The following UBASH3B variants were observed in gnomAD, a reference collection of about 807,000 sequenced individuals.
UBASH3B encodes ubiquitin-associated and SH3 domain-containing protein B.
UBASH3B carries 37 observed loss-of-function variants against 83.4 expected under a neutral mutation model. The observed-to-expected ratio is 0.44, with a 90% CI of 0.34 to 0.58. The LOEUF is 0.58. Among genes scored for constraint, UBASH3B ranks in the 20% least tolerant of loss-of-function variants. UBASH3B has a pLI of 0.01. For synonymous variants in UBASH3B, 304 were observed against 318.3 expected (o/e 0.96, Z 0.48); for missense variants, 657 against 827.2 (o/e 0.79, Z 2.52).
At chr11:122,739,547 C>T (rs1045853147) in intron 1 of UBASH3B, among the ~76,000 whole-genome samples, 5 of 152,172 alleles carry the variant, frequency 3.3e-5, no homozygotes, top group Non-Finnish European at 7.3e-5. Flanking sequence ...CAGCTCCATG[C>T]TGTTGGTGGG....
chr11:122,740,857 C>T (rs1861012531), intron 1 of UBASH3B, among the ~76,000 whole-genome samples: 1 of 152,166 alleles, frequency 6.6e-6, no homozygotes, highest in African/African-American at 2.4e-5. Context: ...CACTATATTA[C>T]TTTTAAAGTG....
At chr11:122,690,196 A>T (rs1214361426) in intron 1 of UBASH3B, among the ~76,000 whole-genome samples, 4 of 22,654 alleles carry the variant, frequency 1.8e-4, no homozygotes, top group Admixed American at 6.4e-4. Context: ...ATATATATAT[A>T]TATATATATA....
At chr11:122,699,535 T>TTCTTTCTTTC (rs1386254721) in intron 1 of UBASH3B, among the ~76,000 whole-genome samples, 6 of 105,618 alleles carry the variant, frequency 5.7e-5, no homozygotes, top group South Asian at 2.8e-4. Context: ...TTCTTTCTCT[T>TTCTTTCTTTC]TCTTTCTTTC....
At chr11:122,732,995 T>G (rs889212457) in intron 1 of UBASH3B, among the ~76,000 whole-genome samples, 1 of 152,194 alleles carries the variant, frequency 6.6e-6, no homozygotes, top group Non-Finnish European at 1.5e-5. Context: ...CTACATAATA[T>G]CAAGCAGAAA....
At chr11:122,762,713 C>T (rs1050031484) in intron 1 of UBASH3B, among the ~76,000 whole-genome samples, 3 of 152,170 alleles carry the variant, frequency 2.0e-5, no homozygotes, top group South Asian at 2.1e-4. Context: ...CTTATGTTAT[C>T]GCCTTACCTG....
At chr11:122,802,245 G>A (rs1283472045) in intron 11 of UBASH3B, among the ~76,000 whole-genome samples, 1 of 150,122 alleles carries the variant, frequency 6.7e-6, no homozygotes, top group African/African-American at 2.5e-5. Context: ...AACCCAGGAG[G>A]CGGAGGTTGC....
chr11:122,660,062 C>A (rs150438271), intron 1 of UBASH3B, among the ~76,000 whole-genome samples: 1 of 152,292 alleles, frequency 6.6e-6, no homozygotes, highest in Non-Finnish European at 1.5e-5. Flanking sequence ...TGACTGCATG[C>A]TTGTTAAGTG....
chr11:122,707,333 C>T (rs1031670240), intron 1 of UBASH3B, among the ~76,000 whole-genome samples: 13 of 152,074 alleles, frequency 8.5e-5, no homozygotes, highest in South Asian at 4.1e-4. Flanking sequence ...TTGCTTCTGA[C>T]GGGGAGTGGT....
intron 1 of UBASH3B, among the ~76,000 whole-genome samples, chr11:122,710,963 A>C (rs1313915234): frequency 5.9e-5 from 9 of 152,186 alleles, no homozygotes; most frequent in Non-Finnish European, 1.2e-4. Flanking sequence ...TTTCATTGAC[A>C]GGCCATAGAG....
At chr11:122,763,237 T>C (rs1378505173) in intron 1 of UBASH3B, among the ~76,000 whole-genome samples, 1 of 152,218 alleles carries the variant, frequency 6.6e-6, no homozygotes, top group Non-Finnish European at 1.5e-5. Context: ...TCACCACCCA[T>C]GGTCTAATGG....
chr11:122,758,768 T>C lies in UBASH3B; in HGVS notation c.162-17451T>C, dbSNP rs924800859. Among the ~76,000 whole-genome samples, 16 of 152,226 alleles carry C rather than the reference T, an allele frequency of 1.1e-4. No individual in the cohort carries two copies. The highest frequency in any genetic ancestry group is 3.6e-4 in the African/African-American group (15 of 41,466). On this transcript the variant is annotated intron_variant, in intron 1 of 13. Transcript: ENST00000284273. This position sits in a 1 kb window ranked among gnomAD's most constrained non-coding sequence, Gnocchi z 4.2. ...AGGACTTAAATCAAGTTTTAACTGA[T>C]GGCAGGAGCGAAATGCAATGAATTC... is the stretch of plus-strand genomic sequence containing the variant.
In UBASH3B at chr11:122,720,112, A is replaced by G. The variant is rs1313376950; in HGVS notation, c.162-56107A>G. Among the ~76,000 whole-genome samples the G allele has an allele frequency of 2.0e-5, 3 of 151,044 alleles. No homozygotes were observed. In the East Asian group the frequency reaches 5.8e-4, roughly 29 times the overall value. ...TTTATGTACTATCCATATGCTGACA[A>G]CTCCTGCACTTACATCCCCCACCCA... On this transcript the variant is annotated intron_variant, in intron 1 of 13. Coordinates refer to ENST00000284273, the MANE Select transcript of UBASH3B (RefSeq NM_032873.5).
At chr11:122,664,077 T>C (rs896651669) in intron 1 of UBASH3B, among the ~76,000 whole-genome samples, 1 of 152,200 alleles carries the variant, frequency 6.6e-6, no homozygotes, top group Non-Finnish European at 1.5e-5. Context: ...TGTTCCTCAC[T>C]GAGCTTTGGG....
At chr11:122,727,161 C>A (rs867263307) in intron 1 of UBASH3B, among the ~76,000 whole-genome samples, 1 of 152,186 alleles carries the variant, frequency 6.6e-6, no homozygotes. Flanking sequence ...CGCGTCCTGC[C>A]GGGGACTCCT....
In UBASH3B at chr11:122,659,433, G is replaced by C. The variant is rs192961458; in HGVS notation, c.161+3223G>C. Among the ~76,000 whole-genome samples, 38 of 152,250 alleles carry C rather than the reference G, an allele frequency of 2.5e-4. 1 individual carries two copies. The highest frequency in any genetic ancestry group is 1.9e-4 in the Non-Finnish European group (13 of 68,022). On this transcript the variant is annotated intron_variant, in intron 1 of 13. Coordinates refer to ENST00000284273, the MANE Select transcript of UBASH3B (RefSeq NM_032873.5). ...TCCTGGAGGTCACCTGATCTAGTTG[G>C]ACTCCTTGCCCAGGCTTGCTTCCCT...
intron 1 of UBASH3B, among the ~76,000 whole-genome samples, chr11:122,736,888 T>C (rs1031557209): frequency 6.6e-6 from 1 of 150,976 alleles, no homozygotes; most frequent in African/African-American, 2.4e-5. Flanking sequence ...TCTCTCAAAA[T>C]GAAATGAAAT....
At chr11:122,775,887 G>A (rs1477194986) in intron 1 of UBASH3B, 1 of 243,722 alleles carries the variant, frequency 4.1e-6, no homozygotes, top group Non-Finnish European at 7.8e-6. Context: ...AAGAATGAGT[G>A]GGTGAAGAGG....
chr11:122,700,882 G>A (rs1864033209), intron 1 of UBASH3B, among the ~76,000 whole-genome samples: 1 of 152,152 alleles, frequency 6.6e-6, no homozygotes. Flanking sequence ...TTCATGTAGG[G>A]TGAACAGTAA....
intron 7 of UBASH3B, among the ~76,000 whole-genome samples, chr11:122,795,113 AT>A (rs909377998): frequency 1.3e-5 from 2 of 152,212 alleles, no homozygotes; most frequent in Non-Finnish European, 2.9e-5. Context: ...AATAATGCCC[AT>A]AGTTGTATCT....
Sources: allele counts gnomAD v4.1 joint callset (sites outside exome capture counted in the v4.1 genomes callset), GRCh38; gene constraint gnomAD v4.1.1; non-coding constraint Gnocchi (gnomAD v3.1); transcripts MANE v1.5; gene names NCBI Gene and HGNC (gene_info 2026-07-23, HGNC 2026-07-21).